Variants in PDE1C observed in about 807,000 individuals in gnomAD.
PDE1C encodes the protein dual specificity calcium/calmodulin-dependent 3',5'-cyclic nucleotide phosphodiesterase 1C.
PDE1C carries 62 observed loss-of-function variants against 93.1 expected under a neutral mutation model. The observed-to-expected ratio is 0.67, with a 90% CI of 0.54 to 0.82. The LOEUF is 0.82. Ranked by LOEUF, PDE1C falls within the 40% of genes least tolerant of loss-of-function variation. PDE1C has a pLI of 0.00. For missense variants in PDE1C, 742 were observed against 884.6 expected (o/e 0.84, Z 2.04); for synonymous variants, 325 against 310.1 (o/e 1.05, Z -0.50).
chr7:32,205,428 G>C (rs1805361779), intron 2 of PDE1C, among the ~76,000 whole-genome samples: 1 of 152,198 alleles, frequency 6.6e-6, no homozygotes, highest in Admixed American at 6.5e-5. Context: ...TCAGTGCTCT[G>C]TGTCTGGCTA....
chr7:31,637,774 C>A, the PDE1C span, among the ~76,000 whole-genome samples: 2 of 152,164 alleles, frequency 1.3e-5, no homozygotes, highest in Non-Finnish European at 2.9e-5. Context: ...GCTTTTGTTG[C>A]CATTGCTTTT....
At chr7:32,269,375 T>A (rs921380155) in intron 1 of PDE1C, among the ~76,000 whole-genome samples, 2 of 152,256 alleles carry the variant, frequency 1.3e-5, no homozygotes, top group African/African-American at 2.4e-5. Context: ...TGGAATAATG[T>A]ACACCTCTTA....
chr7:31,667,593 C>T, the PDE1C span, among the ~76,000 whole-genome samples: 2 of 151,930 alleles, frequency 1.3e-5, no homozygotes, highest in African/African-American at 4.8e-5. Context: ...ATATGGTTCA[C>T]ATTCTAGTGA....
intron 2 of PDE1C, among the ~76,000 whole-genome samples, chr7:31,989,624 A>G (rs1385046856): frequency 1.3e-5 from 2 of 152,216 alleles, no homozygotes; most frequent in Admixed American, 6.5e-5. Flanking sequence ...TAACCCAGAA[A>G]GAATTCAGTG....
At chr7:31,832,027 G>T (rs998798909) in intron 11 of PDE1C, among the ~76,000 whole-genome samples, 2 of 152,022 alleles carry the variant, frequency 1.3e-5, no homozygotes, top group Non-Finnish European at 2.9e-5. Flanking sequence ...AAGAAAACTA[G>T]AACTATCACA....
chr7:32,274,735 C>T lies in PDE1C; in HGVS notation c.85+23916G>A, dbSNP rs549670331. On this transcript the variant is annotated intron_variant, in intron 1 of 18. Transcript: ENST00000396193. The stretch of plus-strand genomic sequence containing the variant: ...TTGAAAGTAGGGATGAGCTTCACCA[C>T]TCACCCTGCAATCTCAGGATACTTT... Among the ~76,000 whole-genome samples the T allele has an allele frequency of 6.6e-4, 101 of 152,268 alleles. 1 individual carries two copies. Among genetic ancestry groups the T allele is most frequent in the African/African-American group, 2.3e-3 (97 of 41,556 alleles).
intron 3 of PDE1C, among the ~76,000 whole-genome samples, chr7:32,161,085 T>TA (rs1470919798): frequency 6.6e-6 from 1 of 152,266 alleles, no homozygotes; most frequent in East Asian, 1.9e-4. Flanking sequence ...AGCTAAACCA[T>TA]AAAAAATGAA....
intron 1 of PDE1C, among the ~76,000 whole-genome samples, chr7:32,250,267 AAG>A (rs1809267148): frequency 6.6e-6 from 1 of 152,024 alleles, no homozygotes; most frequent in South Asian, 2.1e-4. Context: ...TGACACATAT[AAG>A]AATGACAGGA....
intron 2 of PDE1C, among the ~76,000 whole-genome samples, chr7:31,982,444 A>G (rs758633093): frequency 2.3e-4 from 35 of 152,258 alleles, no homozygotes; most frequent in Non-Finnish European, 3.2e-4. Context: ...TCAATAGCCT[A>G]TAAAAAGGAA....
At chr7:32,106,930 C>T (rs113207067) in intron 3 of PDE1C, among the ~76,000 whole-genome samples, 265 of 146,108 alleles carry the variant, frequency 1.8e-3, no homozygotes, top group African/African-American at 5.6e-3. Flanking sequence ...ATGGAAAAAG[C>T]GGACAGTATA....
intron 16 of PDE1C, among the ~76,000 whole-genome samples, chr7:31,791,132 C>G (rs1465688607): frequency 6.6e-6 from 1 of 152,118 alleles, no homozygotes; most frequent in Non-Finnish European, 1.5e-5. Flanking sequence ...GACTAAGATA[C>G]TCTCCTAAGA....
intron 3 of PDE1C, among the ~76,000 whole-genome samples, chr7:32,118,132 G>C (rs1046785132): frequency 2.0e-5 from 3 of 152,212 alleles, no homozygotes; most frequent in Non-Finnish European, 4.4e-5. Flanking sequence ...TAAGGAGAGA[G>C]TGGAGGGTTA....
intron 1 of PDE1C, among the ~76,000 whole-genome samples, chr7:32,062,601 G>C (rs1197354078): frequency 6.6e-6 from 1 of 152,152 alleles, no homozygotes; most frequent in African/African-American, 2.4e-5. Flanking sequence ...CTGAATCCCG[G>C]ACCAGGTTTG....
At chr7:32,214,058 A>G (rs1806245275) in intron 1 of PDE1C, among the ~76,000 whole-genome samples, 1 of 152,150 alleles carries the variant, frequency 6.6e-6, no homozygotes, top group Non-Finnish European at 1.5e-5. Context: ...AAATATACAT[A>G]TTATTTTGGA....
intron 15 of PDE1C, among the ~76,000 whole-genome samples, chr7:31,815,534 C>T (rs1449490826): frequency 6.6e-6 from 1 of 152,096 alleles, no homozygotes; most frequent in East Asian, 1.9e-4. Flanking sequence ...CAGGAAAAGG[C>T]TCAGGCAAAC....
chr7:32,124,796 C>T (rs1282548589), intron 3 of PDE1C, among the ~76,000 whole-genome samples: 1 of 152,186 alleles, frequency 6.6e-6, no homozygotes, highest in Non-Finnish European at 1.5e-5. Context: ...CAATACCATT[C>T]AGGACATAGG....
At chr7:31,930,848 CAAAAAAAA>C (rs56394903) in intron 2 of PDE1C, among the ~76,000 whole-genome samples, 267 of 32,614 alleles carry the variant, frequency 8.2e-3, no homozygotes, top group African/African-American at 0.044. Flanking sequence ...GACTCTGTCT[CAAAAAAAA>C]AAAAAAAAAA....
At chr7:31,757,301 T>C (rs1281552243) in intron 17 of PDE1C, among the ~76,000 whole-genome samples, 2 of 152,222 alleles carry the variant, frequency 1.3e-5, no homozygotes, top group African/African-American at 4.8e-5. Flanking sequence ...CTGAGTAGCA[T>C]AAACATGGCT....
intron 1 of PDE1C, among the ~76,000 whole-genome samples, chr7:32,327,263 T>C (rs1783421492): frequency 2.0e-5 from 3 of 152,208 alleles, no homozygotes; most frequent in Non-Finnish European, 4.4e-5. Flanking sequence ...TATTGAAGCA[T>C]AACATGTGCA....
Sources: gnomAD v4.1 joint callset for allele counts (sites outside exome capture counted in the v4.1 genomes callset) on GRCh38, gnomAD v4.1.1 for gene constraint, MANE v1.5 for transcripts, NCBI Gene and HGNC (gene_info 2026-07-23, HGNC 2026-07-21) for gene names.